Variants in TSHZ2 observed in about 807,000 individuals in gnomAD.
TSHZ2 encodes the protein teashirt zinc finger homeobox 2, also known as teashirt homolog 2.
TSHZ2 carries 21 observed loss-of-function variants against 74.4 expected under a neutral mutation model. The observed-to-expected ratio is 0.28, with a 90% CI of 0.20 to 0.41. TSHZ2 has a LOEUF of 0.41. Ranked by LOEUF, TSHZ2 falls within the 10% of genes least tolerant of loss-of-function variation. The pLI, the probability that TSHZ2 is intolerant of heterozygous loss-of-function variation, is 1.00. For synonymous variants in TSHZ2, 540 were observed against 515.3 expected (o/e 1.05, Z -0.65); for missense variants, 1,244 against 1,293.5 (o/e 0.96, Z 0.59).
chr20:53,405,213 C>T (rs1982802237), intron 2 of TSHZ2, among the ~76,000 whole-genome samples: 1 of 146,940 alleles, frequency 6.8e-6, no homozygotes, highest in South Asian at 2.1e-4. Context: ...TGCACCATGG[C>T]ACTCCAGCCT....
chr20:53,432,352 A>C (rs1459306897), intron 2 of TSHZ2, among the ~76,000 whole-genome samples: 1 of 152,106 alleles, frequency 6.6e-6, no homozygotes, highest in Non-Finnish European at 1.5e-5. Context: ...TAAATACCAC[A>C]TTTTCTTTAT....
chr20:53,127,758 T>G (rs1353136105), intron 1 of TSHZ2, among the ~76,000 whole-genome samples: 1 of 152,166 alleles, frequency 6.6e-6, no homozygotes, highest in Non-Finnish European at 1.5e-5. Flanking sequence ...TATAACAACT[T>G]CATCGATGAC....
At chr20:53,036,256 C>A (rs913694056) in intron 1 of TSHZ2, among the ~76,000 whole-genome samples, 3 of 152,074 alleles carry the variant, frequency 2.0e-5, no homozygotes, top group Non-Finnish European at 2.9e-5. Context: ...CTTGCTTTTT[C>A]TTTTCTCAAT....
intron 2 of TSHZ2, among the ~76,000 whole-genome samples, chr20:53,469,624 GGA>G (rs1985705367): frequency 5.2e-5 from 4 of 76,776 alleles, no homozygotes; most frequent in Non-Finnish European, 7.5e-5. Flanking sequence ...TAGAGAGGGA[GGA>G]AGGGAGGGAG....
At chr20:53,452,598 CAA>C (rs11313655) in intron 2 of TSHZ2, among the ~76,000 whole-genome samples, 35,032 of 121,086 alleles carry the variant, frequency 0.29, 4,982 homozygotes, top group Non-Finnish European at 0.39. Context: ...GACTCTGTCT[CAA>C]AAAAAAAAAA....
At chr20:53,164,901 G>A (rs373001360) in intron 1 of TSHZ2, among the ~76,000 whole-genome samples, 8 of 152,138 alleles carry the variant, frequency 5.3e-5, no homozygotes, top group Non-Finnish European at 8.8e-5. Context: ...AAAAGGACAC[G>A]CTTAGAGGGA....
intron 2 of TSHZ2, among the ~76,000 whole-genome samples, chr20:53,378,255 G>A (rs910938658): frequency 4.0e-5 from 6 of 151,656 alleles, no homozygotes; most frequent in African/African-American, 1.2e-4. Context: ...CAGGGGAATC[G>A]CTTGAACCCA....
chr20:53,449,742 T>G (rs139961702), intron 2 of TSHZ2, among the ~76,000 whole-genome samples: 1 of 152,158 alleles, frequency 6.6e-6, no homozygotes, highest in East Asian at 1.9e-4. Flanking sequence ...ATTATTCATT[T>G]ATTGATTCTT....
chr20:53,070,926 T>C (rs1985153447), intron 1 of TSHZ2, among the ~76,000 whole-genome samples: 2 of 152,178 alleles, frequency 1.3e-5, no homozygotes, highest in Non-Finnish European at 2.9e-5. Context: ...TTACTGGTAG[T>C]CTGACACATT....
intron 1 of TSHZ2, among the ~76,000 whole-genome samples, chr20:53,229,604 G>A (rs774792964): frequency 6.6e-6 from 1 of 152,082 alleles, no homozygotes; most frequent in Non-Finnish European, 1.5e-5. Context: ...TCAGCTTTTC[G>A]AACTAAATAG....
At position 52,974,302 on chromosome 20, in the gene TSHZ2, C is replaced by T. The variant is rs949984717; in HGVS notation, c.40+969C>T. ...ACATTTGATTGATCACCTGTCATCT[C>T]GCTGCCTTTGATCTATTCATTCTTG... On this transcript the variant is annotated intron_variant, in intron 1 of 2. Coordinates refer to ENST00000371497, the MANE Select transcript of TSHZ2 (RefSeq NM_173485.6). 8.2e-4 allele frequency among the ~76,000 whole-genome samples: 125 copies of T among 152,212 alleles called. 1 individual carries two copies. The highest frequency in any genetic ancestry group is 2.7e-3 in the African/African-American group (114 of 41,534).
At chr20:53,238,836 T>TAAAA (rs746136673) in intron 1 of TSHZ2, among the ~76,000 whole-genome samples, 21 of 65,980 alleles carry the variant, frequency 3.2e-4, no homozygotes, top group Non-Finnish European at 4.5e-4. Context: ...ATCTTATATC[T>TAAAA]AAAAAAAAAA....
chr20:53,170,633 A>G (rs1178902016), intron 1 of TSHZ2, among the ~76,000 whole-genome samples: 1 of 152,242 alleles, frequency 6.6e-6, no homozygotes, highest in Admixed American at 6.5e-5. Context: ...TGACAATCAG[A>G]GAATGTCTCC....
intron 1 of TSHZ2, among the ~76,000 whole-genome samples, chr20:53,072,255 T>G (rs956161117): frequency 5.9e-5 from 9 of 152,216 alleles, no homozygotes; most frequent in Non-Finnish European, 1.2e-4. Context: ...AAGGACTTTT[T>G]TTAAAGGGAT....
chr20:52,986,173 C>A (rs184734254), intron 1 of TSHZ2, among the ~76,000 whole-genome samples: 6 of 151,572 alleles, frequency 4.0e-5, no homozygotes, highest in Non-Finnish European at 7.4e-5. Context: ...AGGCGGATCA[C>A]GAGGTTGGGA....
chr20:53,309,414 G>C lies in TSHZ2; in HGVS notation c.*8+52843G>C, dbSNP rs572665764. 1.8e-4 allele frequency among the ~76,000 whole-genome samples: 28 copies of C among 151,892 alleles called. No homozygotes were observed. The South Asian group carries it at 5.2e-3, about 28-fold the overall frequency. ...GAAAAAAGAATTTATCAAAAAGGAA[G>C]AGAAGCAAAGAGAAAGGAGAAAGAA... On this transcript the variant is annotated intron_variant, in intron 2 of 2. Transcript: ENST00000371497.
chr20:53,365,257 C>T (rs1389708944), intron 2 of TSHZ2, among the ~76,000 whole-genome samples: 2 of 152,226 alleles, frequency 1.3e-5, no homozygotes. Context: ...CTAAAACATG[C>T]TCCTAAGTGG....
At chr20:53,274,101 A>G (rs1990893378) in intron 2 of TSHZ2, among the ~76,000 whole-genome samples, 2 of 152,094 alleles carry the variant, frequency 1.3e-5, no homozygotes. Context: ...GAGACCTCAT[A>G]TCTACTAAAA....
At chr20:53,359,720 T>C (rs1980981017) in intron 2 of TSHZ2, among the ~76,000 whole-genome samples, 1 of 152,116 alleles carries the variant, frequency 6.6e-6, no homozygotes. Context: ...AAGGCCACTG[T>C]GGCTGGAACA....
Sources: allele counts gnomAD v4.1 joint callset (sites outside exome capture counted in the v4.1 genomes callset), GRCh38; gene constraint gnomAD v4.1.1; transcripts MANE v1.5; gene names NCBI Gene and HGNC (gene_info 2026-07-23, HGNC 2026-07-21).